COL28A1: variants seen among roughly 807,000 people sequenced by gnomAD.
COL28A1 encodes collagen type XXVIII alpha 1 chain.
In COL28A1, 161 loss-of-function variants were observed where a neutral mutation model predicts 150.2. The observed-to-expected ratio is 1.07, with a 90% CI of 0.94 to 1.22. COL28A1 has a LOEUF of 1.22. COL28A1 is among the 50% of genes most tolerant of loss of function. The pLI, the probability that COL28A1 is intolerant of heterozygous loss-of-function variation, is 0.00. For synonymous variants in COL28A1, 552 were observed against 469.7 expected (o/e 1.18, Z -2.26); for missense variants, 1,617 against 1,388.3 (o/e 1.16, Z -2.62).
intron 21 of COL28A1, among the ~76,000 whole-genome samples, chr7:7,437,884 T>TGAC (rs1785458030): frequency 6.6e-6 from 1 of 152,196 alleles, no homozygotes; most frequent in South Asian, 2.1e-4. Flanking sequence ...TTTATTTTAA[T>TGAC]GACCAAAGGT....
chr7:7,513,726 A>G (rs1322069282), intron 8 of COL28A1, among the ~76,000 whole-genome samples: 4 of 152,382 alleles, frequency 2.6e-5, no homozygotes, highest in African/African-American at 4.8e-5. Flanking sequence ...GCTTTTGGCT[A>G]CAATTCACAT....
intron 27 of COL28A1, among the ~76,000 whole-genome samples, chr7:7,385,906 C>A (rs1782154231): frequency 6.6e-6 from 1 of 152,164 alleles, no homozygotes; most frequent in Non-Finnish European, 1.5e-5. Context: ...AGCTAAAAGC[C>A]TTTAGCAAGT....
chr7:7,429,176 T>C lies in COL28A1; in HGVS notation c.1998+3297A>G, dbSNP rs74502619. On this transcript the variant is annotated intron_variant, in intron 25 of 34. Transcript: ENST00000399429. ...TTAAGGCGACTACACAAAGCTTAAA[T>C]GAAAAACATATCAGGATCCATATGG... Among the ~76,000 whole-genome samples the C allele has an allele frequency of 5.4e-3, 819 of 152,264 alleles. 10 individuals are homozygous for C. The highest frequency in any genetic ancestry group is 0.019 in the African/African-American group (787 of 41,530).
At chr7:7,400,375 C>T (rs754829999) in intron 27 of COL28A1, among the ~76,000 whole-genome samples, 3 of 152,054 alleles carry the variant, frequency 2.0e-5, no homozygotes, top group African/African-American at 4.8e-5. Context: ...CAGAGTCAGA[C>T]AGAAAAGATG....
chr7:7,438,764 G>T (rs369864023), intron 21 of COL28A1, among the ~76,000 whole-genome samples: 1 of 152,186 alleles, frequency 6.6e-6, no homozygotes, highest in Admixed American at 6.5e-5. Flanking sequence ...TTACTGGAGG[G>T]GTTTATAATC....
At position 7,414,606 on chromosome 7, in the gene COL28A1, C is replaced by T. The variant is rs189518987; in HGVS notation, c.2136+3253G>A. On this transcript the variant is annotated intron_variant, in intron 27 of 34. Coordinates refer to ENST00000399429, the MANE Select transcript of COL28A1 (RefSeq NM_001037763.3). Reference sequence around the variant, plus strand: ...GTGGTCCCAGAGCCCCAGGAAAGGCCGGGGAAAGAAGTTCCCAGAAGATCA... The same window carrying T: ...GTGGTCCCAGAGCCCCAGGAAAGGCTGGGGAAAGAAGTTCCCAGAAGATCA... 2.0e-3 allele frequency among the ~76,000 whole-genome samples: 308 copies of T among 152,228 alleles called. 1 individual carries two copies. Among genetic ancestry groups the T allele is most frequent in the African/African-American group, 7.0e-3 (289 of 41,536 alleles).
At chr7:7,492,396 A>AAAC (rs1430924368) in intron 11 of COL28A1, among the ~76,000 whole-genome samples, 1 of 151,242 alleles carries the variant, frequency 6.6e-6, no homozygotes, top group Non-Finnish European at 1.5e-5. Flanking sequence ...CAACATGGTG[A>AAAC]AACACTGTCT....
intron 27 of COL28A1, among the ~76,000 whole-genome samples, chr7:7,402,879 A>G (rs934411159): frequency 2.0e-5 from 3 of 152,192 alleles, no homozygotes; most frequent in African/African-American, 7.2e-5. Flanking sequence ...AATGCTCTGG[A>G]AGATGGGCAA....
At chr7:7,357,045 TTTTTTG>T (rs1363789062), downstream of COL28A1, 6 of 152,108 alleles carry the variant, frequency 3.9e-5, no homozygotes, top group East Asian at 5.8e-4. Flanking sequence ...AAGTATTTTG[TTTTTTG>T]TTTTTGTTTT....
At chr7:7,364,596 C>G (rs1780837894) in intron 33 of COL28A1, among the ~76,000 whole-genome samples, 1 of 152,170 alleles carries the variant, frequency 6.6e-6, no homozygotes, top group Non-Finnish European at 1.5e-5. Flanking sequence ...CTACTCATCT[C>G]CATGCTCCTA....
intron 31 of COL28A1, among the ~76,000 whole-genome samples, chr7:7,375,082 TC>T (rs1781471342): frequency 6.6e-6 from 1 of 152,188 alleles, no homozygotes; most frequent in Non-Finnish European, 1.5e-5. Flanking sequence ...GACATTCTAA[TC>T]ACCAGCTAGG....
At chr7:7,385,181 AT>A (rs1178291108) in intron 27 of COL28A1, among the ~76,000 whole-genome samples, 7 of 152,234 alleles carry the variant, frequency 4.6e-5, no homozygotes, top group Admixed American at 3.9e-4. Context: ...GTCTTGGTAA[AT>A]CACACTTTGG....
At position 7,477,120 on chromosome 7, in the gene COL28A1, C is replaced by T. The variant is rs139033903; in HGVS notation, c.1225G>A (p.Gly409Arg). ...ERGLPGEGFP[G>R]PKGEKGSEGP... ...ACAGAAGGTATTGTTACCTTTGGTC[C>T]TGGAAATCCTTCTCCGGGTAAGCCC... Residue 409 changes from glycine (G) to arginine (R), a missense_variant, in exon 14 of 35, where the codon GGA becomes AGA. Physicochemically the swap from Gly to Arg is moderately radical, Grantham distance 125 (BLOSUM62 -2). Transcript: ENST00000399429. 1 of 1,240,046 alleles carries T rather than the reference C, an allele frequency of 8.1e-7. No homozygotes were observed. Among genetic ancestry groups the T allele is most frequent in the Admixed American group, 1.7e-5 (1 of 59,544 alleles). The allele number at this position is 1,240,046 out of a possible 1,614,324, so 76.8% of individuals were successfully genotyped here.
intron 27 of COL28A1, among the ~76,000 whole-genome samples, chr7:7,408,187 G>A (rs1012821789): frequency 1.3e-5 from 2 of 152,090 alleles, no homozygotes; most frequent in Non-Finnish European, 2.9e-5. Flanking sequence ...CTCTGACAAT[G>A]TGAAAGTTGT....
intron 34 of COL28A1, among the ~76,000 whole-genome samples, chr7:7,359,883 G>T (rs1186840990): frequency 6.6e-6 from 1 of 152,020 alleles, no homozygotes; most frequent in African/African-American, 2.4e-5. Context: ...CTAAACTTTT[G>T]AGCACAAAAA....
At chr7:7,341,556 G>T in the COL28A1 span, among the ~76,000 whole-genome samples, 1 of 152,004 alleles carries the variant, frequency 6.6e-6, no homozygotes, top group African/African-American at 2.4e-5. Flanking sequence ...GACTACAGGT[G>T]TGTGCCACCA....
intron 8 of COL28A1, chr7:7,511,773 C>T (rs753964962): frequency 6.4e-5 from 30 of 471,016 alleles, no homozygotes; most frequent in East Asian, 2.1e-4. Flanking sequence ...GTAGGAGAGC[C>T]GGGCTTGGCA....
intron 3 of COL28A1, among the ~76,000 whole-genome samples, chr7:7,524,750 A>G (rs1022243658): frequency 6.6e-6 from 1 of 152,208 alleles, no homozygotes; most frequent in Non-Finnish European, 1.5e-5. Flanking sequence ...AGATCATATT[A>G]AAACTCAAAA....
intron 32 of COL28A1, among the ~76,000 whole-genome samples, chr7:7,371,945 G>T (rs185550744): frequency 5.3e-5 from 8 of 151,920 alleles, no homozygotes; most frequent in African/African-American, 1.7e-4. Flanking sequence ...CAATTCTTCC[G>T]CCTCAGCTTC....
Sources: allele counts gnomAD v4.1 joint callset (sites outside exome capture counted in the v4.1 genomes callset), GRCh38; gene constraint gnomAD v4.1.1; transcripts MANE v1.5; gene names NCBI Gene and HGNC (gene_info 2026-07-23, HGNC 2026-07-21).